The following PEMT variants were observed in gnomAD, a reference collection of about 807,000 sequenced individuals.
PEMT encodes phosphatidylethanolamine N-methyltransferase, also known as phospholipid methyltransferase.
A neutral mutation model predicts 27.4 loss-of-function variants in PEMT; 23 were observed. The ratio of observed to expected loss-of-function variants is 0.84; its 90% confidence interval spans 0.60 to 1.19. The LOEUF (loss-of-function observed/expected upper bound fraction) is 1.19, where lower values mean the gene tolerates loss of function less well. PEMT is among the 50% of genes most tolerant of loss of function. The pLI is 0.00. For synonymous variants in PEMT, 137 were observed against 139.1 expected (o/e 0.98, Z 0.11); for missense variants, 307 against 310.1 (o/e 0.99, Z 0.07).
At chr17:17,569,316 G>A (rs1911036560) in intron 2 of PEMT, among the ~76,000 whole-genome samples, 1 of 152,226 alleles carries the variant, frequency 6.6e-6, no homozygotes, top group Non-Finnish European at 1.5e-5. Context: ...CACATGTGCA[G>A]GAGCCACCCC....
At chr17:17,508,127 C>G (rs921306034) in intron 5 of PEMT, 4 of 152,572 alleles carry the variant, frequency 2.6e-5, no homozygotes, top group Middle Eastern at 3.4e-3. Context: ...TGAGTGCATA[C>G]ATGCATGTGT....
chr17:17,568,780 G>C (rs71367407), intron 2 of PEMT, among the ~76,000 whole-genome samples: 1 of 152,194 alleles, frequency 6.6e-6, no homozygotes, highest in Non-Finnish European at 1.5e-5. Context: ...GGGAGCTGCA[G>C]GTGAGGAGGT....
At chr17:17,554,764 C>T (rs1399431899) in intron 2 of PEMT, among the ~76,000 whole-genome samples, 2 of 152,006 alleles carry the variant, frequency 1.3e-5, no homozygotes, top group African/African-American at 2.4e-5. Context: ...TACAGGTGCC[C>T]GCCACCACTC....
In PEMT at chr17:17,584,488, G is replaced by A. The variant is rs146576970; in HGVS notation, c.96+7043C>T. Among the ~76,000 whole-genome samples the A allele has an allele frequency of 3.5e-3, 531 of 151,766 alleles. 5 individuals are homozygous for A. Among genetic ancestry groups the A allele is most frequent in the African/African-American group, 0.012 (495 of 41,374 alleles). ...AACCTGGCTAATTTTTTTTTATTTT[G>A]TAGACATGGAGTCTCACCACATTGC... On this transcript the variant is annotated intron_variant, in intron 1 of 6. Transcript: ENST00000255389.
At chr17:17,567,019 C>A (rs1314702316) in intron 2 of PEMT, among the ~76,000 whole-genome samples, 2 of 152,274 alleles carry the variant, frequency 1.3e-5, no homozygotes, top group African/African-American at 4.8e-5. Context: ...TGATTCTGCT[C>A]ACACTAGCAG....
intron 2 of PEMT, among the ~76,000 whole-genome samples, chr17:17,558,185 T>A (rs571605533): frequency 6.7e-6 from 1 of 149,806 alleles, no homozygotes; most frequent in African/African-American, 2.5e-5. Context: ...TCCACACACA[T>A]ACAAACACAC....
At chr17:17,550,162 C>T (rs1431601395) in intron 2 of PEMT, among the ~76,000 whole-genome samples, 1 of 152,112 alleles carries the variant, frequency 6.6e-6, no homozygotes, top group Non-Finnish European at 1.5e-5. Flanking sequence ...TCACTGTGCT[C>T]CCCACCACCC....
chr17:17,568,206 C>T (rs941198444), intron 2 of PEMT, among the ~76,000 whole-genome samples: 8 of 152,194 alleles, frequency 5.3e-5, no homozygotes, highest in Non-Finnish European at 8.8e-5. Flanking sequence ...CAACTCCTGC[C>T]CACCCTGCCC....
At chr17:17,555,791 G>A (rs1041065728) in intron 2 of PEMT, among the ~76,000 whole-genome samples, 4 of 152,176 alleles carry the variant, frequency 2.6e-5, no homozygotes, top group African/African-American at 4.8e-5. Flanking sequence ...CCTCTGGGGC[G>A]GAAGCCACCT....
At chr17:17,586,259 AG>A (rs1567759183) in intron 1 of PEMT, among the ~76,000 whole-genome samples, 66 of 116,832 alleles carry the variant, frequency 5.6e-4, no homozygotes, top group Non-Finnish European at 8.1e-4. Context: ...AAAGAAAGAA[AG>A]AAAGAAAGAA....
Position 17,506,386 on chromosome 17 carries a change from C to A in PEMT, c.579-85G>T. On this transcript the variant is annotated intron_variant, in intron 5 of 6. Transcript: ENST00000255389. ...CACCTGCCCAGGCTGGCCCTTCCTG[C>A]CGTGACCCTGGCCCTCCGGCCGACG... The A allele has an allele frequency of 3.7e-6, 4 of 1,081,700 alleles. No individual in the cohort carries two copies. In the East Asian group the frequency reaches 7.9e-5, roughly 21 times the overall value. 67.0% of individuals were successfully genotyped at this position (1,081,700 alleles called of 1,614,324 possible). A position where few individuals can be genotyped will look rare whatever the true frequency, so the allele number is the denominator to read the frequency against.
intron 2 of PEMT, among the ~76,000 whole-genome samples, chr17:17,530,432 T>G (rs1597895863): frequency 6.6e-6 from 1 of 151,852 alleles, no homozygotes. Flanking sequence ...GAGGCGGAGG[T>G]TGCAGTGAGC....
chr17:17,591,418 C>T (rs992777048), intron 1 of PEMT, 113 bp downstream of exon 1: 9 of 861,376 alleles, frequency 1.0e-5, no homozygotes, highest in Non-Finnish European at 1.2e-5. Context: ...GCCCCCATTG[C>T]CTGGGAACTG....
At chr17:17,509,600 A>G in intron 4 of PEMT, 55 bp from the exon 5 acceptor site, 4 of 1,233,304 alleles carry the variant, frequency 3.2e-6, no homozygotes, top group Non-Finnish European at 4.8e-6. Context: ...TGGCCACACC[A>G]TCACTGAGGG....
chr17:17,587,541 T>C (rs575690955), intron 1 of PEMT, among the ~76,000 whole-genome samples: 2 of 152,026 alleles, frequency 1.3e-5, no homozygotes, highest in East Asian at 1.9e-4. Context: ...AGGGAGGCAA[T>C]ACTTCCCAAC....
chr17:17,572,269 C>T (rs554530885), intron 2 of PEMT, among the ~76,000 whole-genome samples: 2 of 152,352 alleles, frequency 1.3e-5, no homozygotes, highest in South Asian at 2.1e-4. Context: ...CTCCTCTGTC[C>T]TTGGTGCAGT....
chr17:17,577,843 C>A (rs1911721898), intron 1 of PEMT, among the ~76,000 whole-genome samples: 1 of 151,864 alleles, frequency 6.6e-6, no homozygotes, highest in Non-Finnish European at 1.5e-5. Context: ...CGGTGAAACC[C>A]CATCTCTACT....
At position 17,582,211 on chromosome 17, in the gene PEMT, C is replaced by T. The variant is rs1912015244; in HGVS notation, c.97-5184G>A. The T allele has an allele frequency of 8.4e-6, 8 of 948,912 alleles. No homozygotes were observed. The South Asian group carries it at 3.9e-4, about 46-fold the overall frequency. 58.8% of individuals were successfully genotyped at this position (948,912 alleles called of 1,614,324 possible). A position where few individuals can be genotyped will look rare whatever the true frequency, so the allele number is the denominator to read the frequency against. On this transcript the variant is annotated intron_variant, in intron 1 of 6. Coordinates refer to ENST00000255389, the MANE Select transcript of PEMT (RefSeq NM_148172.3). The surrounding 1 kb of genome is among the most constrained non-coding windows in gnomAD (Gnocchi z 4.9). ...AGTAATTCTAATGGAACCCCCACTC[C>T]AAGGCTCCAGGTTGCAGAGGCCTCG... is the stretch of plus-strand genomic sequence containing the variant.
intron 4 of PEMT, 68 bp from the exon 5 acceptor site, chr17:17,509,613 GCC>G: frequency 8.9e-7 from 1 of 1,119,354 alleles, no homozygotes; most frequent in Non-Finnish European, 1.4e-6. Context: ...ACTGAGGGAG[GCC>G]CCAGAGCGGG....
Sources: gnomAD v4.1 joint callset for allele counts (sites outside exome capture counted in the v4.1 genomes callset) on GRCh38, gnomAD v4.1.1 for gene constraint, Gnocchi (gnomAD v3.1) non-coding constraint, MANE v1.5 for transcripts, NCBI Gene and HGNC (gene_info 2026-07-23, HGNC 2026-07-21) for gene names.